C9orf43: variants seen among roughly 807,000 people sequenced by gnomAD.
C9orf43 encodes chromosome 9 open reading frame 43, also known as uncharacterized protein C9orf43.
Under a neutral mutation model 59.1 loss-of-function variants are expected in C9orf43, and 45 were observed. That is an observed-to-expected ratio of 0.76 (90% CI 0.60 to 0.98). The LOEUF (loss-of-function observed/expected upper bound fraction) is 0.98, where lower values mean the gene tolerates loss of function less well. Ranked by LOEUF, C9orf43 falls within the 50% of genes least tolerant of loss-of-function variation. The pLI, the probability that C9orf43 is intolerant of heterozygous loss-of-function variation, is 0.00. For synonymous variants in C9orf43, 203 were observed against 196.8 expected, an observed-to-expected ratio of 1.03 and a Z score of -0.26; for missense variants, 533 against 554.9, an observed-to-expected ratio of 0.96 and a Z score of 0.40.
At chr9:113,414,555 G>A (rs1828291037) in intron 3 of C9orf43, among the ~76,000 whole-genome samples, 2 of 151,900 alleles carry the variant, frequency 1.3e-5, no homozygotes, top group African/African-American at 4.8e-5. Context: ...AAATTGTTGG[G>A]ATTACAGGCA....
At chr9:113,416,492 C>A (rs1430978954) in intron 3 of C9orf43, among the ~76,000 whole-genome samples, 3 of 152,148 alleles carry the variant, frequency 2.0e-5, no homozygotes, top group Non-Finnish European at 4.4e-5. Flanking sequence ...TTCATTAAGT[C>A]CCTTTCCTGG....
intron 13 of C9orf43, 81 bp from the exon 14 acceptor site, chr9:113,429,091 C>G (rs187207341): frequency 1.6e-4 from 245 of 1,525,346 alleles, no homozygotes; most frequent in Admixed American, 1.1e-3. Flanking sequence ...CTAAAAACAC[C>G]CCATTTTTCC....
At position 113,429,439 on chromosome 9, in the gene C9orf43, A is replaced by G; in HGVS notation, c.*53A>G. 1 of 1,524,554 alleles carries G rather than the reference A, an allele frequency of 6.6e-7. No individual in the cohort carries two copies. Among genetic ancestry groups the G allele is most frequent in the Non-Finnish European group, 9.0e-7 (1 of 1,105,606 alleles). 94.4% of individuals were successfully genotyped at this position (1,524,554 alleles called of 1,614,324 possible). A position where few individuals can be genotyped will look rare whatever the true frequency, so the allele number is the denominator to read the frequency against. On this transcript the variant is annotated 3_prime_UTR_variant, in exon 14 of 14. Coordinates refer to ENST00000374165, the MANE Select transcript of C9orf43 (RefSeq NM_001278629.2). ...CATCCCCTGGGGCAGCCGTGTTCCA[A>G]AGCGGGATGGCTGGTATCCTGAGGG... is the stretch of plus-strand genomic sequence containing the variant.
chr9:113,428,342 C>T lies in C9orf43; in HGVS notation c.1107+119C>T, dbSNP rs116522376. 704 of 1,004,414 alleles carry T rather than the reference C, an allele frequency of 7.0e-4. 3 individuals are homozygous for T. In the African/African-American group the frequency reaches 1.0e-2, roughly 14 times the overall value. The allele number at this position is 1,004,414 out of a possible 1,614,324, so 62.2% of individuals were successfully genotyped here. ...CTAATGATTCTGTGGGTTGACTGGA[C>T]AGTTGTTCTTCTCCTGCTTGAGGTC... On this transcript the variant is annotated intron_variant, in intron 12 of 13. Coordinates refer to ENST00000374165, the MANE Select transcript of C9orf43 (RefSeq NM_001278629.2).
chr9:113,411,948 T>A (rs953054726), intron 1 of C9orf43, among the ~76,000 whole-genome samples: 1 of 152,224 alleles, frequency 6.6e-6, no homozygotes, highest in African/African-American at 2.4e-5. Flanking sequence ...GTGCTGAGAT[T>A]ACAGGCATGA....
Position 113,424,239 on chromosome 9 carries a change from C to T in C9orf43, c.730C>T (p.Leu244Phe), listed in dbSNP as rs1407865347. 1.2e-6 allele frequency: 2 copies of T among 1,613,916 alleles called. No homozygotes were observed. Among genetic ancestry groups the T allele is most frequent in the African/African-American group, 2.7e-5 (2 of 74,916 alleles). ...KIKLAMMKKN[L>F]PLEKNRPDSV... ...AAAATTGGCCATGATGAAAAAGAAT[C>T]TTCCCTTGGAAAAGAACCGACCTGA... The change falls in exon 8 of 14, where the codon CTT becomes TTT. Residue 244 changes from leucine to phenylalanine, a missense_variant. Physicochemically the swap from Leu to Phe is conservative, Grantham distance 22 (BLOSUM62 0). Transcript: ENST00000374165.
chr9:113,417,750 G>T (rs1828420689), intron 3 of C9orf43, among the ~76,000 whole-genome samples: 1 of 152,190 alleles, frequency 6.6e-6, no homozygotes, highest in South Asian at 2.1e-4. Flanking sequence ...AGAGGAAATT[G>T]TGTCTGTATC....
chr9:113,415,626 T>C (rs572459808), intron 3 of C9orf43, among the ~76,000 whole-genome samples: 1 of 152,292 alleles, frequency 6.6e-6, no homozygotes, highest in South Asian at 2.1e-4. Context: ...ATTTTATTTT[T>C]AGGTATGAAA....
At chr9:113,424,046 T>A (rs1015881577) in intron 7 of C9orf43, 120 bp from the exon 8 acceptor site, 1 of 1,095,376 alleles carries the variant, frequency 9.1e-7, no homozygotes, top group African/African-American at 1.6e-5. Context: ...CACTTGTTGG[T>A]ACAGGCCTTT....
At position 113,425,064 on chromosome 9, in the gene C9orf43, C is replaced by T. The variant is rs757460294; in HGVS notation, c.853C>T (p.Leu285=). 1.4e-5 allele frequency: 23 copies of T among 1,613,258 alleles called. No homozygotes were observed. The highest frequency in any genetic ancestry group is 1.9e-5 in the Non-Finnish European group (22 of 1,179,924). Residue 285 remains leucine, a synonymous_variant, in exon 9 of 14, where the codon CTG becomes TTG. Transcript: ENST00000374165. ...YPERLKKLHN[L]KTEGYRKQQQ... ...TGAACGTTTGAAGAAATTACATAAC[C>T]TGAAGACAGAAGGTAGATTTGCTGT...
chr9:113,424,157 C>A lies in C9orf43; in HGVS notation c.657-9C>A. 4 of 1,599,810 alleles carry A rather than the reference C, an allele frequency of 2.5e-6. No homozygotes were observed. In the South Asian group the frequency reaches 4.5e-5, roughly 18 times the overall value. ...TGCTGACTGTCTGGCTGTCCTCTGT[C>A]CCCTTCAGACTTTTGCCAGGTGGAA... is the stretch of plus-strand genomic sequence containing the variant. On this transcript the variant is annotated splice_polypyrimidine_tract_variant and intron_variant, in intron 7 of 13. Coordinates refer to ENST00000374165, the MANE Select transcript of C9orf43 (RefSeq NM_001278629.2).
chr9:113,422,555 T>C lies in C9orf43; in HGVS notation c.453T>C (p.His151=), dbSNP rs1700784172. 5 of 1,613,936 alleles carry C rather than the reference T, an allele frequency of 3.1e-6. No homozygotes were observed. The highest frequency in any genetic ancestry group is 4.2e-6 in the Non-Finnish European group (5 of 1,179,950). The change falls in exon 6 of 14, where the codon CAT becomes CAC. Residue 151 remains histidine (H), a synonymous_variant. Coordinates refer to ENST00000374165, the MANE Select transcript of C9orf43 (RefSeq NM_001278629.2). ...PEETEIHVSQ[H]GKKKRKNSAV... is the part of the protein sequence containing the mutation. ...TTGTTTTGTTTTTCTCCAGCCAGCA[T>C]GGGAAGAAGAAAAGAAAGAACTCGG... is the stretch of plus-strand genomic sequence containing the variant.
At chr9:113,414,870 C>T (rs1245857855) in intron 3 of C9orf43, among the ~76,000 whole-genome samples, 1 of 152,092 alleles carries the variant, frequency 6.6e-6, no homozygotes. Flanking sequence ...TTTTTTGAGA[C>T]AGAGTCTCAC....
At position 113,429,584 on chromosome 9, in the gene C9orf43, A is replaced by G. The variant is rs1459525190; in HGVS notation, c.*198A>G. On this transcript the variant is annotated 3_prime_UTR_variant, in exon 14 of 14. Coordinates refer to ENST00000374165, the MANE Select transcript of C9orf43 (RefSeq NM_001278629.2). ...TTTGTTCACCTCTACTTGCCTCTAAAATAAATGTAGGAGAAAAATCCCCAG... is the reference window on the plus strand; with the variant it reads ...TTTGTTCACCTCTACTTGCCTCTAAGATAAATGTAGGAGAAAAATCCCCAG... 2 of 524,934 alleles carry G rather than the reference A, an allele frequency of 3.8e-6. No individual in the cohort carries two copies. Among genetic ancestry groups the G allele is most frequent in the Non-Finnish European group, 6.7e-6 (2 of 298,226 alleles). 32.5% of individuals were successfully genotyped at this position (524,934 alleles called of 1,614,324 possible).
In C9orf43 at chr9:113,414,353, C is replaced by A. The variant is rs146251443; in HGVS notation, c.287+459C>A. ...GCAATGGTGCGATCATAGCTCACTG[C>A]AGCCTCAACTTTCTGGGCTCAAGCG... On this transcript the variant is annotated intron_variant, in intron 3 of 13. Coordinates refer to ENST00000374165, the MANE Select transcript of C9orf43 (RefSeq NM_001278629.2). 3.3e-5 allele frequency among the ~76,000 whole-genome samples: 5 copies of A among 152,130 alleles called. No homozygotes were observed. In the South Asian group the frequency reaches 8.3e-4, roughly 25 times the overall value.
chr9:113,428,371 T>C (rs1828867602), intron 12 of C9orf43, 148 bp downstream of exon 12: 1 of 842,172 alleles, frequency 1.2e-6, no homozygotes, highest in South Asian at 1.6e-5. Flanking sequence ...TGAGGTCACT[T>C]AATGCAGCTG....
chr9:113,428,297 A>G, intron 12 of C9orf43, 74 bp downstream of exon 12: 1 of 1,352,190 alleles, frequency 7.4e-7, no homozygotes. Context: ...CCAAAGCTTA[A>G]CCATAATGAT....
At chr9:113,421,236 G>T in intron 5 of C9orf43, 33 bp downstream of exon 5, 1 of 1,476,528 alleles carries the variant, frequency 6.8e-7, no homozygotes, top group South Asian at 1.1e-5. Flanking sequence ...AGAGGACTTT[G>T]ACTCTATAAA....
rs568506178 is a variant in C9orf43 at position 113,410,762 on chromosome 9, C to T, written c.-289C>T. ...GGATCCCTTTAGGACCCGAGGCAGG[C>T]TCTGGGCCCGCCGGGTCCGTTAATC... is the stretch of plus-strand genomic sequence containing the variant. On this transcript the variant is annotated 5_prime_UTR_variant, in exon 1 of 14. Coordinates refer to ENST00000374165, the MANE Select transcript of C9orf43 (RefSeq NM_001278629.2). 9 of 206,086 alleles carry T rather than the reference C, an allele frequency of 4.4e-5. No individual in the cohort carries two copies. In the South Asian group the frequency reaches 8.5e-4, roughly 19 times the overall value. 12.8% of individuals were successfully genotyped at this position (206,086 alleles called of 1,614,324 possible).
Sources: gnomAD v4.1 joint callset for allele counts (sites outside exome capture counted in the v4.1 genomes callset) on GRCh38, gnomAD v4.1.1 for gene constraint, MANE v1.5 for transcripts, NCBI Gene and HGNC (gene_info 2026-07-23, HGNC 2026-07-21) for gene names.